Variants in ACOXL observed in about 807,000 individuals in gnomAD.
ACOXL encodes acyl-CoA oxidase like, also known as acyl-coenzyme A oxidase-like protein.
Under a neutral mutation model 71.9 loss-of-function variants are expected in ACOXL, and 70 were observed. That is an observed-to-expected ratio of 0.97 (90% CI 0.80 to 1.19). The LOEUF is 1.19. Ranked by LOEUF, ACOXL falls within the 50% of genes most tolerant of loss-of-function variation. The pLI is 0.00. For synonymous variants in ACOXL, 253 were observed against 281.6 expected (o/e 0.90, Z 1.02); for missense variants, 703 against 736.3 (o/e 0.95, Z 0.52).
chr2:111,066,921 C>A (rs949438871), intron 16 of ACOXL, among the ~76,000 whole-genome samples: 1 of 152,054 alleles, frequency 6.6e-6, no homozygotes, highest in African/African-American at 2.4e-5. Flanking sequence ...CAGGAGAAAT[C>A]CCAGAAACTG....
chr2:110,947,977 C>T (rs1457440687), intron 12 of ACOXL, among the ~76,000 whole-genome samples: 8 of 152,246 alleles, frequency 5.3e-5, no homozygotes, highest in African/African-American at 1.7e-4. Context: ...CTCGTGTCAC[C>T]GTGCCCTCAG....
chr2:110,756,032 AT>A (rs60042656), intron 1 of ACOXL, among the ~76,000 whole-genome samples: 26,265 of 152,190 alleles, frequency 0.17, 4,997 homozygotes, highest in African/African-American at 0.47. Flanking sequence ...TATAATTAGA[AT>A]TGTCTAACAT....
chr2:110,744,877 T>C (rs567990043), intron 1 of ACOXL, among the ~76,000 whole-genome samples: 4 of 152,276 alleles, frequency 2.6e-5, no homozygotes, highest in African/African-American at 9.6e-5. Context: ...AGCCATTTTG[T>C]CATTTTGAGG....
chr2:111,067,743 C>T (rs1041095206), intron 16 of ACOXL, among the ~76,000 whole-genome samples: 1 of 152,180 alleles, frequency 6.6e-6, no homozygotes, highest in African/African-American at 2.4e-5. Context: ...ACAATGGAAT[C>T]AAAGTAACAA....
intron 9 of ACOXL, among the ~76,000 whole-genome samples, chr2:110,836,038 C>T (rs1160365161): frequency 1.3e-5 from 2 of 152,206 alleles, no homozygotes; most frequent in East Asian, 3.9e-4. Context: ...CATCTCTAAG[C>T]ATCATTAGCT....
chr2:110,815,931 C>G (rs1687853393), intron 9 of ACOXL, among the ~76,000 whole-genome samples: 1 of 152,166 alleles, frequency 6.6e-6, no homozygotes, highest in Non-Finnish European at 1.5e-5. Flanking sequence ...TCTGGATGAA[C>G]AGGACCTGGT....
chr2:110,844,152 G>A (rs1691507153), intron 10 of ACOXL, among the ~76,000 whole-genome samples: 1 of 152,186 alleles, frequency 6.6e-6, no homozygotes, highest in South Asian at 2.1e-4. Flanking sequence ...GGCTTGGCTG[G>A]GCCTCTCACA....
At chr2:110,870,984 T>C (rs1383585012) in intron 10 of ACOXL, among the ~76,000 whole-genome samples, 1 of 152,166 alleles carries the variant, frequency 6.6e-6, no homozygotes, top group Admixed American at 6.5e-5. Flanking sequence ...GTCCCAGTGT[T>C]GGAAAATCTG....
At chr2:111,048,006 C>A (rs2066100157) in intron 15 of ACOXL, among the ~76,000 whole-genome samples, 1 of 152,246 alleles carries the variant, frequency 6.6e-6, no homozygotes, top group African/African-American at 2.4e-5. Context: ...AAACAACCTA[C>A]CCAGACAATA....
At chr2:110,744,568 A>G (rs1184345951) in intron 1 of ACOXL, among the ~76,000 whole-genome samples, 2 of 152,076 alleles carry the variant, frequency 1.3e-5, no homozygotes, top group Admixed American at 6.5e-5. Context: ...TCCCCTCCCT[A>G]CATTACCTAC....
chr2:110,907,034 G>A (rs2059476934), intron 10 of ACOXL, among the ~76,000 whole-genome samples: 1 of 152,268 alleles, frequency 6.6e-6, no homozygotes, highest in Non-Finnish European at 1.5e-5. Flanking sequence ...ATGTTAATCA[G>A]CCTGGGCTGC....
At chr2:110,900,173 C>G (rs183279327) in intron 10 of ACOXL, among the ~76,000 whole-genome samples, 1 of 151,840 alleles carries the variant, frequency 6.6e-6, no homozygotes, top group East Asian at 1.9e-4. Context: ...TTTCTTCCCT[C>G]TCAGCAATCT....
At chr2:110,805,757 G>C (rs966979514) in intron 9 of ACOXL, among the ~76,000 whole-genome samples, 2 of 152,232 alleles carry the variant, frequency 1.3e-5, no homozygotes, top group Non-Finnish European at 2.9e-5. Flanking sequence ...GGCATGTCTT[G>C]GCTGAATTCA....
intron 17 of ACOXL, among the ~76,000 whole-genome samples, chr2:111,097,272 T>C (rs1259134597): frequency 3.3e-5 from 5 of 152,338 alleles, no homozygotes; most frequent in African/African-American, 1.2e-4. Flanking sequence ...AATAGAAAGT[T>C]GCTTCATTGT....
chr2:110,860,454 A>G (rs1693806174), intron 10 of ACOXL, among the ~76,000 whole-genome samples: 1 of 152,126 alleles, frequency 6.6e-6, no homozygotes, highest in Non-Finnish European at 1.5e-5. Flanking sequence ...GTAGAGACCC[A>G]GGAAAAGGCT....
At chr2:110,876,760 T>C (rs1695958772) in intron 10 of ACOXL, among the ~76,000 whole-genome samples, 1 of 152,214 alleles carries the variant, frequency 6.6e-6, no homozygotes, top group African/African-American at 2.4e-5. Flanking sequence ...TTGGTCCATT[T>C]GTTTATTCTT....
At chr2:110,900,826 T>TA (rs2059205040) in intron 10 of ACOXL, among the ~76,000 whole-genome samples, 1 of 152,140 alleles carries the variant, frequency 6.6e-6, no homozygotes, top group African/African-American at 2.4e-5. Flanking sequence ...AATTGGCCAA[T>TA]ATCAGATCCA....
intron 11 of ACOXL, among the ~76,000 whole-genome samples, chr2:110,910,129 C>T (rs141846074): frequency 6.6e-6 from 1 of 152,070 alleles, no homozygotes; most frequent in East Asian, 1.9e-4. Context: ...CCCTCTGGCC[C>T]CTTTGCAGTT....
intron 16 of ACOXL, among the ~76,000 whole-genome samples, chr2:111,077,528 T>A (rs1302010903): frequency 6.6e-6 from 1 of 152,256 alleles, no homozygotes; most frequent in Non-Finnish European, 1.5e-5. Context: ...CTTCCTTCGT[T>A]CCTGATTGGT....
Sources: allele counts gnomAD v4.1 joint callset (sites outside exome capture counted in the v4.1 genomes callset), GRCh38; gene constraint gnomAD v4.1.1; transcripts MANE v1.5; gene names NCBI Gene and HGNC (gene_info 2026-07-23, HGNC 2026-07-21).